The following ARSB variants were observed in gnomAD, a reference collection of about 807,000 sequenced individuals.
ARSB encodes the protein N-acetylgalactosamine-4-sulfatase.
ARSB carries 41 observed loss-of-function variants against 50.9 expected under a neutral mutation model. The observed-to-expected ratio is 0.81, with a 90% confidence interval of 0.63 to 1.04. ARSB has a LOEUF of 1.04. ARSB is among the 50% of genes least tolerant of loss of function. The pLI is 0.00. For missense variants in ARSB, 672 were observed against 693.3 expected (o/e 0.97, Z 0.35); for synonymous variants, 269 against 284.8 (o/e 0.94, Z 0.56).
intron 4 of ARSB, among the ~76,000 whole-genome samples, chr5:78,913,155 C>T (rs1281420532): frequency 6.8e-6 from 1 of 146,908 alleles, no homozygotes; most frequent in East Asian, 2.0e-4. Flanking sequence ...GAGACAGAGT[C>T]TCGCTGTCGC....
Position 78,890,251 on chromosome 5 carries a change from C to CTTTT in ARSB, c.899-4428_899-4425dup, listed in dbSNP as rs55797488. ...ACATTCTGATATTCTCAAATCTTAT[C>CTTTT]TTTTTTTTTTTTTTTTTGAGACAAA... is the stretch of plus-strand genomic sequence containing the variant. On this transcript the variant is annotated intron_variant, in intron 4 of 7. Coordinates refer to ENST00000264914, the MANE Select transcript of ARSB (RefSeq NM_000046.5). Among the ~76,000 whole-genome samples, 34 of 134,926 alleles carry CTTTT rather than the reference C, an allele frequency of 2.5e-4. 5 individuals carry two copies. The highest frequency in any genetic ancestry group is 3.9e-3 in the Middle Eastern group (1 of 256). 88.5% of individuals were successfully genotyped at this position (134,926 alleles called of 152,430 possible). A position where few individuals can be genotyped will look rare whatever the true frequency, so the allele number is the denominator to read the frequency against.
chr5:78,820,892 C>G (rs1175579289), intron 6 of ARSB, among the ~76,000 whole-genome samples: 3 of 151,540 alleles, frequency 2.0e-5, no homozygotes, highest in Non-Finnish European at 4.4e-5. Flanking sequence ...ACTTACGGAT[C>G]TGGAAAGATC....
chr5:78,779,611 G>A lies in ARSB; in HGVS notation c.*786C>T, dbSNP rs565551823. ...AGCCCTAGGGGCAAAAGTAAGGCAGGGCTCAGCAGCGTTCCAGAAATCAGG... is the reference window on the plus strand; with the variant it reads ...AGCCCTAGGGGCAAAAGTAAGGCAGAGCTCAGCAGCGTTCCAGAAATCAGG... On this transcript the variant is annotated 3_prime_UTR_variant, in exon 8 of 8. Coordinates refer to ENST00000264914, the MANE Select transcript of ARSB (RefSeq NM_000046.5). The A allele has an allele frequency of 6.6e-6, 1 of 152,440 alleles. No individual in the cohort carries two copies. The highest frequency in any genetic ancestry group is 1.9e-4 in the East Asian group (1 of 5,180). 9.4% of individuals were successfully genotyped at this position (152,440 alleles called of 1,614,324 possible).
chr5:78,842,108 C>A (rs1745245382), intron 5 of ARSB, among the ~76,000 whole-genome samples: 1 of 152,024 alleles, frequency 6.6e-6, no homozygotes, highest in Non-Finnish European at 1.5e-5. Flanking sequence ...ACCACACACA[C>A]ACACACACAC....
At chr5:78,961,026 A>C (rs1009871673) in intron 3 of ARSB, among the ~76,000 whole-genome samples, 1 of 152,244 alleles carries the variant, frequency 6.6e-6, no homozygotes, top group Non-Finnish European at 1.5e-5. Flanking sequence ...CAGCATCAGC[A>C]ACTGTGTTTC....
intron 5 of ARSB, among the ~76,000 whole-genome samples, chr5:78,863,310 A>T (rs1561467554): frequency 6.6e-6 from 1 of 152,194 alleles, no homozygotes; most frequent in Non-Finnish European, 1.5e-5. Flanking sequence ...ATGCACACGT[A>T]TGTTTATTGC....
chr5:78,955,108 C>T (rs1489263498), intron 4 of ARSB, among the ~76,000 whole-genome samples, 187 bp downstream of exon 4: 5 of 152,222 alleles, frequency 3.3e-5, no homozygotes, highest in East Asian at 1.9e-4. Flanking sequence ...TCTGAGGGAA[C>T]GGGGGAAGCC....
upstream of ARSB, chr5:78,985,899 A>T (rs1401600967): frequency 6.6e-6 from 1 of 152,326 alleles, no homozygotes; most frequent in African/African-American, 2.4e-5. Flanking sequence ...CCAAACACAC[A>T]GTCTGATTGC....
rs563432490 is a variant in ARSB, at chr5:78,941,195, G to A, written c.898+14100C>T. Among the ~76,000 whole-genome samples the A allele has an allele frequency of 1.1e-4, 16 of 151,494 alleles. No individual in the cohort carries two copies. In the East Asian group the frequency reaches 1.5e-3, roughly 15 times the overall value. On this transcript the variant is annotated intron_variant, in intron 4 of 7. Coordinates refer to ENST00000264914, the MANE Select transcript of ARSB (RefSeq NM_000046.5). ...TAAGGAGATTTGGGGCTGAGACGAT[G>A]GGGTTTTCTAGATATACAATCATGT...
At chr5:78,904,010 C>T (rs1748919795) in intron 4 of ARSB, among the ~76,000 whole-genome samples, 1 of 152,076 alleles carries the variant, frequency 6.6e-6, no homozygotes, top group Non-Finnish European at 1.5e-5. Flanking sequence ...AATTGTACAC[C>T]CAGCCTTAAC....
At chr5:78,849,891 T>G (rs1469517783) in intron 5 of ARSB, among the ~76,000 whole-genome samples, 3 of 150,774 alleles carry the variant, frequency 2.0e-5, no homozygotes, top group African/African-American at 4.8e-5. Flanking sequence ...AGAATGCTTG[T>G]GATTTTTGTA....
chr5:78,812,665 AG>A (rs1214787358), intron 6 of ARSB, among the ~76,000 whole-genome samples: 1 of 151,366 alleles, frequency 6.6e-6, no homozygotes, highest in Non-Finnish European at 1.5e-5. Flanking sequence ...TGCAGCTTAG[AG>A]GGCTTGAAAT....
intron 5 of ARSB, among the ~76,000 whole-genome samples, chr5:78,881,347 C>G (rs1231758650): frequency 2.6e-5 from 4 of 151,048 alleles, no homozygotes; most frequent in African/African-American, 7.3e-5. Flanking sequence ...AACAAAAAAG[C>G]AAGAGAAAAA....
Position 78,780,465 on chromosome 5 carries a change from C to T in ARSB, c.1534G>A (p.Val512Met), listed in dbSNP as rs201928777. ...LQFYHKHSVP[V>M]YFPAQDPRCD... Reference sequence around the variant, plus strand: ...CGGGGGTCCTGTGCAGGGAAGTACACGGGGACTGAGTGTTTATGGTAGAAC... The same window carrying T: ...CGGGGGTCCTGTGCAGGGAAGTACATGGGGACTGAGTGTTTATGGTAGAAC... The change falls in exon 8 of 8, where the codon GTG becomes ATG. Residue 512 changes from valine to methionine, a missense_variant. Val to Met is a conservative substitution (Grantham distance 21, BLOSUM62 1). Coordinates refer to ENST00000264914, the MANE Select transcript of ARSB (RefSeq NM_000046.5). 4.6e-5 allele frequency: 74 copies of T among 1,614,090 alleles called. No individual in the cohort carries two copies. Among genetic ancestry groups the T allele is most frequent in the Middle Eastern group, 3.3e-4 (2 of 6,060 alleles).
intron 4 of ARSB, among the ~76,000 whole-genome samples, chr5:78,945,280 T>G (rs1402713105): frequency 2.6e-5 from 4 of 152,130 alleles, no homozygotes; most frequent in Admixed American, 2.6e-4. Flanking sequence ...ACCACACCCA[T>G]TGTCCTGCAC....
Position 78,985,102 on chromosome 5 carries a change from G to C in ARSB, c.147C>G (p.Phe49Leu), listed in dbSNP as rs1753120464. 1 of 1,520,728 alleles carries C rather than the reference G, an allele frequency of 6.6e-7. No individual in the cohort carries two copies. The highest frequency in any genetic ancestry group is 2.0e-5 in the Admixed American group (1 of 49,904). The allele number at this position is 1,520,728 out of a possible 1,614,324, so 94.2% of individuals were successfully genotyped here. The change falls in exon 1 of 8, where the codon TTC becomes TTG. Residue 49 changes from phenylalanine (F) to leucine (L), a missense_variant. Transcript: ENST00000264914. ...AGASRPPHLV[F>L]LLADDLGWND... ...TCCAGCCTAGGTCGTCTGCCAGCAA[G>C]AAGACCAGGTGGGGCGGCCGGCTGG...
At chr5:78,809,666 G>T (rs1743734806) in intron 6 of ARSB, among the ~76,000 whole-genome samples, 1 of 152,252 alleles carries the variant, frequency 6.6e-6, no homozygotes, top group Non-Finnish European at 1.5e-5. Context: ...ACACTAGGCA[G>T]AGACGACTCT....
chr5:78,945,174 G>A (rs796362042), intron 4 of ARSB, among the ~76,000 whole-genome samples: 11 of 152,304 alleles, frequency 7.2e-5, no homozygotes, highest in African/African-American at 2.2e-4. Context: ...GGTGCCGTCT[G>A]TCACCCCTTT....
intron 5 of ARSB, among the ~76,000 whole-genome samples, chr5:78,853,135 G>T (rs1243783937): frequency 1.3e-5 from 2 of 152,186 alleles, no homozygotes; most frequent in African/African-American, 4.8e-5. Flanking sequence ...GAGGCGCTCT[G>T]TTTTTAGAGT....
Sources: gnomAD v4.1 joint callset for allele counts (sites outside exome capture counted in the v4.1 genomes callset) on GRCh38, gnomAD v4.1.1 for gene constraint, MANE v1.5 for transcripts, NCBI Gene and HGNC (gene_info 2026-07-23, HGNC 2026-07-21) for gene names.